Variants in OR2T4 observed in about 807,000 individuals in gnomAD.
OR2T4 encodes the protein olfactory receptor family 2 subfamily T member 4.
For synonymous variants in OR2T4, 149 were observed against 145.6 expected, an observed-to-expected ratio of 1.02 and a Z score of -0.17; for missense variants, 374 against 395.6, an observed-to-expected ratio of 0.95 and a Z score of 0.46.
chr1:248,361,863 A>G lies in OR2T4; in HGVS notation c.199A>G (p.Ile67Val), dbSNP rs561607108. The G allele has an allele frequency of 1.2e-6, 2 of 1,614,046 alleles. No homozygotes were observed. The highest frequency in any genetic ancestry group is 3.3e-5 in the Admixed American group (2 of 60,012). ...CCTCCACACCCCCATGTACTTTTTC[A>G]TCAGTCAATTGTCTCTCATGGACAT... ...AHLHTPMYFF[I>V]SQLSLMDMAY... Residue 67 changes from isoleucine (I) to valine (V), a missense_variant, in exon 1 of 1, where the codon ATC (isoleucine) becomes GTC (valine). Coordinates refer to ENST00000366473, the MANE Select transcript of OR2T4 (RefSeq NM_001004696.2).
Position 248,362,028 on chromosome 1 carries a change from A to ATG in OR2T4, c.365_366dup (p.Ala123TrpfsTer19), listed in dbSNP as rs1558297828. On this transcript the variant is annotated frameshift_variant, in exon 1 of 1. Transcript: ENST00000366473. LOFTEE classifies it low-confidence loss of function (END_TRUNC). Reference sequence around the variant, plus strand: ...TTCAGAATTTTTCCTTCTAGCCACCATGGCCTATGACCGCTACGTGGCCAT... The same window carrying ATG: ...TTCAGAATTTTTCCTTCTAGCCACCATGTGGCCTATGACCGCTACGTGGCCAT... 4 of 1,611,182 alleles carry ATG rather than the reference A, an allele frequency of 2.5e-6. No homozygotes were observed. The East Asian group carries it at 6.7e-5, about 27-fold the overall frequency.
chr1:248,362,412 A>C lies in OR2T4; in HGVS notation c.748A>C (p.Thr250Pro), dbSNP rs1008476744. 18 of 1,613,894 alleles carry C rather than the reference A, an allele frequency of 1.1e-5. No individual in the cohort carries two copies. The highest frequency in any genetic ancestry group is 1.7e-5 in the Admixed American group (1 of 59,986). ...CTTTGCCACCTGCTCCTCCCACCTG[A>C]CTGTGGTCATCCTCTTCTATGGGGC... Reference protein sequence around the residue: ...KAFATCSSHLTVVILFYGAAI... With the variant: ...KAFATCSSHLPVVILFYGAAI... Residue 250 changes from threonine (T) to proline (P), a missense_variant, in exon 1 of 1, where the codon ACT becomes CCT. Coordinates refer to ENST00000366473, the MANE Select transcript of OR2T4 (RefSeq NM_001004696.2).
Position 248,361,865 on chromosome 1 carries a change from C to T in OR2T4, c.201C>T (p.Ile67=), listed in dbSNP as rs1428006292. The T allele has an allele frequency of 6.2e-7, 1 of 1,614,108 alleles. No homozygotes were observed. Among genetic ancestry groups the T allele is most frequent in the Admixed American group, 1.7e-5 (1 of 60,018 alleles). The change falls in exon 1 of 1, where the codon ATC becomes ATT. Residue 67 remains isoleucine, a synonymous_variant. Coordinates refer to ENST00000366473, the MANE Select transcript of OR2T4 (RefSeq NM_001004696.2). ...TCCACACCCCCATGTACTTTTTCAT[C>T]AGTCAATTGTCTCTCATGGACATGG... ...AHLHTPMYFF[I]SQLSLMDMAY... is the part of the protein sequence containing the mutation.
At position 248,362,011 on chromosome 1, in the gene OR2T4, T is replaced by G. The variant is rs1409125424; in HGVS notation, c.347T>G (p.Phe116Cys). The change falls in exon 1 of 1, where the codon TTT (phenylalanine) becomes TGT (cysteine). Residue 116 changes from phenylalanine (F) to cysteine (C), a missense_variant. Coordinates refer to ENST00000366473, the MANE Select transcript of OR2T4 (RefSeq NM_001004696.2). ...TACGTGACACTAGCAGGTTCAGAATTTTTCCTTCTAGCCACCATGGCCTAT... is the reference window on the plus strand; with the variant it reads ...TACGTGACACTAGCAGGTTCAGAATGTTTCCTTCTAGCCACCATGGCCTAT... ...FFYVTLAGSEFFLLATMAYDR... is the reference protein window; with the variant it reads ...FFYVTLAGSECFLLATMAYDR... The G allele has an allele frequency of 6.2e-7, 1 of 1,607,296 alleles. No homozygotes were observed.
rs200644020 is a variant in OR2T4 at position 248,362,100 on chromosome 1, C to A, written c.436C>A (p.Leu146Ile). The A allele has an allele frequency of 4.5e-5, 72 of 1,614,218 alleles. No homozygotes were observed. The East Asian group carries it at 1.5e-3, about 34-fold the overall frequency. The change falls in exon 1 of 1, where the codon CTC becomes ATC. Residue 146 changes from leucine (L) to isoleucine (I), a missense_variant. Leu to Ile is a conservative substitution (Grantham distance 5). Transcript: ENST00000366473. ...TGTCCTCATGAACCATAGGGTGTGT[C>A]TCTTCCTGTCATCAGGCTGCTGGTT... Reference protein sequence around the residue: ...YPVLMNHRVCLFLSSGCWFLG... With the variant: ...YPVLMNHRVCIFLSSGCWFLG...
At position 248,362,543 on chromosome 1, in the gene OR2T4, C is replaced by A; in HGVS notation, c.879C>A (p.Ile293=). The stretch of plus-strand genomic sequence containing the variant: ...TCACTCCAGTGGTGAACCCTTTAAT[C>A]TATAGTCTTAGGAATAAGGATGTCA... The part of the protein sequence containing the change: ...TILTPVVNPL[I]YSLRNKDVMG... The change falls in exon 1 of 1, where the codon ATC becomes ATA. Residue 293 remains isoleucine, a synonymous_variant. Transcript: ENST00000366473. The A allele has an allele frequency of 6.2e-7, 1 of 1,614,140 alleles. No individual in the cohort carries two copies. The highest frequency in any genetic ancestry group is 8.5e-7 in the Non-Finnish European group (1 of 1,180,024).
Position 248,362,127 on chromosome 1 carries a change from C to T in OR2T4, c.463C>T (p.Leu155=). The part of the protein sequence containing the change: ...CLFLSSGCWF[L]GSVDGFTFTP... Reference sequence around the variant, plus strand: ...CTTCCTGTCATCAGGCTGCTGGTTCCTGGGCTCAGTGGATGGCTTCACATT... The same window carrying T: ...CTTCCTGTCATCAGGCTGCTGGTTCTTGGGCTCAGTGGATGGCTTCACATT... The change falls in exon 1 of 1, where the codon CTG becomes TTG. Residue 155 remains leucine, a synonymous_variant. Coordinates refer to ENST00000366473, the MANE Select transcript of OR2T4 (RefSeq NM_001004696.2). The T allele has an allele frequency of 3.7e-6, 6 of 1,614,200 alleles. No individual in the cohort carries two copies. Among genetic ancestry groups the T allele is most frequent in the Non-Finnish European group, 5.1e-6 (6 of 1,180,044 alleles).
Position 248,361,984 on chromosome 1 carries a change from T to A in OR2T4, c.320T>A (p.Phe107Tyr), listed in dbSNP as rs776022171. Residue 107 changes from phenylalanine to tyrosine, a missense_variant, in exon 1 of 1, where the codon TTC becomes TAC. By Grantham distance (22) the Phe-to-Tyr change is conservative. Transcript: ENST00000366473. ...SAPECGMQMF[F>Y]YVTLAGSEFF... ...CCTGAGTGTGGGATGCAGATGTTCTTCTACGTGACACTAGCAGGTTCAGAA... is the reference window on the plus strand; with the variant it reads ...CCTGAGTGTGGGATGCAGATGTTCTACTACGTGACACTAGCAGGTTCAGAA... 57 of 1,611,336 alleles carry A rather than the reference T, an allele frequency of 3.5e-5. No individual in the cohort carries two copies. The African/African-American group carries it at 7.3e-4, about 21-fold the overall frequency.
Position 248,362,240 on chromosome 1 carries a change from C to T in OR2T4, c.576C>T (p.Ser192=). Residue 192 remains serine, a synonymous_variant, in exon 1 of 1, where the codon TCC becomes TCT. Coordinates refer to ENST00000366473, the MANE Select transcript of OR2T4 (RefSeq NM_001004696.2). ...AAGTTCCTGCTGTATTGAATCTCTC[C>T]TGCTCAGACACCTCACTCTATGAGA... is the stretch of plus-strand genomic sequence containing the variant. The part of the protein sequence containing the change: ...FCEVPAVLNL[S]CSDTSLYEIF... 2.5e-6 allele frequency: 4 copies of T among 1,614,172 alleles called. No homozygotes were observed. Among genetic ancestry groups the T allele is most frequent in the Non-Finnish European group, 3.4e-6 (4 of 1,180,020 alleles).
rs1660698780 is a variant in OR2T4, at chr1:248,361,914, A to T, written c.250A>T (p.Lys84Ter). 6.2e-7 allele frequency: 1 copy of T among 1,613,986 alleles called. No individual in the cohort carries two copies. The highest frequency in any genetic ancestry group is 8.5e-7 in the Non-Finnish European group (1 of 1,180,018). ...GGCGTACATTTCTGTCACTGTGCCCAAGATGCTCCTGGACCAGGTCATGGG... is the reference window on the plus strand; with the variant it reads ...GGCGTACATTTCTGTCACTGTGCCCTAGATGCTCCTGGACCAGGTCATGGG... ...DMAYISVTVP[K>*]MLLDQVMGVN... The change falls in exon 1 of 1, where the codon AAG becomes TAG. Residue 84 changes from lysine to a stop codon, truncating the protein, a stop_gained. Transcript: ENST00000366473. LOFTEE classifies it low-confidence loss of function (END_TRUNC).
In OR2T4 at chr1:248,362,545, A is replaced by G. The variant is rs74153570; in HGVS notation, c.881A>G (p.Tyr294Cys). 452 of 1,614,132 alleles carry G rather than the reference A, an allele frequency of 2.8e-4. 2 individuals carry two copies. In the African/African-American group the frequency reaches 5.5e-3, roughly 20 times the overall value. Reference sequence around the variant, plus strand: ...ACTCCAGTGGTGAACCCTTTAATCTATAGTCTTAGGAATAAGGATGTCATG... The same window carrying G: ...ACTCCAGTGGTGAACCCTTTAATCTGTAGTCTTAGGAATAAGGATGTCATG... Reference protein sequence around the residue: ...ILTPVVNPLIYSLRNKDVMGA... With the variant: ...ILTPVVNPLICSLRNKDVMGA... The change falls in exon 1 of 1, where the codon TAT becomes TGT. Residue 294 changes from tyrosine to cysteine, a missense_variant. Physicochemically the swap from Tyr to Cys is radical, Grantham distance 194. Coordinates refer to ENST00000366473, the MANE Select transcript of OR2T4 (RefSeq NM_001004696.2).
rs61299560 is a variant in OR2T4 at position 248,362,234 on chromosome 1, T to C, written c.570T>C (p.Asn190=). The change falls in exon 1 of 1, where the codon AAT becomes AAC. Residue 190 remains asparagine (N), a synonymous_variant. Coordinates refer to ENST00000366473, the MANE Select transcript of OR2T4 (RefSeq NM_001004696.2). ...TCTGTGAAGTTCCTGCTGTATTGAA[T>C]CTCTCCTGCTCAGACACCTCACTCT... ...HFFCEVPAVL[N]LSCSDTSLYE... is the part of the protein sequence containing the mutation. 1,650 of 1,614,108 alleles carry C rather than the reference T, an allele frequency of 1.0e-3. 17 individuals are homozygous for C. The African/African-American group carries it at 0.019, about 19-fold the overall frequency.
In OR2T4 at chr1:248,362,197, TTCA is replaced by T. The variant is rs775994054; in HGVS notation, c.538_540del (p.His180del). 1.9e-6 allele frequency: 3 copies of T among 1,614,204 alleles called. No individual in the cohort carries two copies. Among genetic ancestry groups the T allele is most frequent in the Non-Finnish European group, 2.5e-6 (3 of 1,180,034 alleles). On this transcript the variant is annotated inframe_deletion, in exon 1 of 1. Transcript: ENST00000366473. Reference sequence around the variant, plus strand: ...TTCCCCTTCCGTGGATCCCGGGAGATTCATCATTTCTTCTGTGAAGTTCCTGCT... The same window carrying T: ...TTCCCCTTCCGTGGATCCCGGGAGATTCATTTCTTCTGTGAAGTTCCTGCT...
rs776777171 is a variant in OR2T4, at chr1:248,361,766, C to A, written c.102C>A (p.Val34=). Residue 34 remains valine (V), a synonymous_variant, in exon 1 of 1, where the codon GTC becomes GTA. Transcript: ENST00000366473. Reference sequence around the variant, plus strand: ...AACATCCAGCACTACTTTGTGTGGTCATTTTTGTGGTTTTCCTGATGGCGT... The same window carrying A: ...AACATCCAGCACTACTTTGTGTGGTAATTTTTGTGGTTTTCCTGATGGCGT... The part of the protein sequence containing the change: ...QSKHPALLCV[V]IFVVFLMALS... 6.2e-6 allele frequency: 10 copies of A among 1,612,906 alleles called. No individual in the cohort carries two copies. Among genetic ancestry groups the A allele is most frequent in the Non-Finnish European group, 8.5e-6 (10 of 1,179,268 alleles).
chr1:248,361,789 C>G lies in OR2T4; in HGVS notation c.125C>G (p.Ala42Gly), dbSNP rs979963875. 6.2e-7 allele frequency: 1 copy of G among 1,613,952 alleles called. No individual in the cohort carries two copies. The highest frequency in any genetic ancestry group is 8.5e-7 in the Non-Finnish European group (1 of 1,179,930). ...GTCATTTTTGTGGTTTTCCTGATGG[C>G]GTTGTCTGGAAATGCTGTCCTGATC... Reference protein sequence around the residue: ...CVVIFVVFLMALSGNAVLILL... With the variant: ...CVVIFVVFLMGLSGNAVLILL... The change falls in exon 1 of 1, where the codon GCG (alanine) becomes GGG (glycine). Residue 42 changes from alanine (A) to glycine (G), a missense_variant. By Grantham distance (60) the Ala-to-Gly change is moderately conservative. Coordinates refer to ENST00000366473, the MANE Select transcript of OR2T4 (RefSeq NM_001004696.2).
rs752708412 is a variant in OR2T4, at chr1:248,361,913, C to A, written c.249C>A (p.Pro83=). ...MDMAYISVTV[P]KMLLDQVMGV... ...TGGCGTACATTTCTGTCACTGTGCC[C>A]AAGATGCTCCTGGACCAGGTCATGG... is the stretch of plus-strand genomic sequence containing the variant. Residue 83 remains proline, a synonymous_variant, in exon 1 of 1, where the codon CCC becomes CCA. Coordinates refer to ENST00000366473, the MANE Select transcript of OR2T4 (RefSeq NM_001004696.2). The A allele has an allele frequency of 2.5e-6, 4 of 1,614,104 alleles. No homozygotes were observed. The African/African-American group carries it at 4.0e-5, about 16-fold the overall frequency.
chr1:248,362,139 G>A lies in OR2T4; in HGVS notation c.475G>A (p.Asp159Asn). 3 of 1,614,114 alleles carry A rather than the reference G, an allele frequency of 1.9e-6. No individual in the cohort carries two copies. The highest frequency in any genetic ancestry group is 2.5e-6 in the Non-Finnish European group (3 of 1,180,004). ...SSGCWFLGSV[D>N]GFTFTPITMT... ...AGGCTGCTGGTTCCTGGGCTCAGTG[G>A]ATGGCTTCACATTCACTCCCATCAC... is the stretch of plus-strand genomic sequence containing the variant. The change falls in exon 1 of 1, where the codon GAT becomes AAT. Residue 159 changes from aspartate to asparagine, a missense_variant. Coordinates refer to ENST00000366473, the MANE Select transcript of OR2T4 (RefSeq NM_001004696.2).
chr1:248,362,139 G>T lies in OR2T4; in HGVS notation c.475G>T (p.Asp159Tyr). ...AGGCTGCTGGTTCCTGGGCTCAGTG[G>T]ATGGCTTCACATTCACTCCCATCAC... ...SSGCWFLGSV[D>Y]GFTFTPITMT... Residue 159 changes from aspartate to tyrosine, a missense_variant, in exon 1 of 1, where the codon GAT becomes TAT. Transcript: ENST00000366473. The T allele has an allele frequency of 6.2e-7, 1 of 1,614,116 alleles. No individual in the cohort carries two copies. Among genetic ancestry groups the T allele is most frequent in the Non-Finnish European group, 8.5e-7 (1 of 1,180,006 alleles).
rs756483680 is a variant in OR2T4 at position 248,362,387 on chromosome 1, C to T, written c.723C>T (p.Ala241=). Residue 241 remains alanine, a synonymous_variant, in exon 1 of 1, where the codon GCC becomes GCT. Transcript: ENST00000366473. Reference sequence around the variant, plus strand: ...ACTCAGCAGAGGGCCGGAAAAAGGCCTTTGCCACCTGCTCCTCCCACCTGA... The same window carrying T: ...ACTCAGCAGAGGGCCGGAAAAAGGCTTTTGCCACCTGCTCCTCCCACCTGA... The part of the protein sequence containing the change: ...GMNSAEGRKK[A]FATCSSHLTV... 6.2e-7 allele frequency: 1 copy of T among 1,614,080 alleles called. No individual in the cohort carries two copies. The highest frequency in any genetic ancestry group is 2.2e-5 in the East Asian group (1 of 44,846).
Sources: allele counts gnomAD v4.1 joint callset, GRCh38; gene constraint gnomAD v4.1.1; transcripts MANE v1.5; gene names NCBI Gene and HGNC (gene_info 2026-07-23, HGNC 2026-07-21).